The following PCMTD1 variants were observed in gnomAD, a reference collection of about 807,000 sequenced individuals.
PCMTD1 encodes protein-L-isoaspartate (D-aspartate) O-methyltransferase domain containing 1.
A neutral mutation model predicts 37.6 loss-of-function variants in PCMTD1; 12 were observed. The ratio of observed to expected loss-of-function variants is 0.32; its 90% CI spans 0.20 to 0.52. The LOEUF (loss-of-function observed/expected upper bound fraction) is 0.52. Among genes scored for constraint, PCMTD1 ranks in the 20% least tolerant of loss-of-function variants. PCMTD1 has a pLI of 0.97. For missense variants in PCMTD1, 235 were observed against 421.3 expected (o/e 0.56, Z 3.87); for synonymous variants, 117 against 135.8 (o/e 0.86, Z 0.96).
intron 1 of PCMTD1, among the ~76,000 whole-genome samples, chr8:51,898,362 T>A (rs1025045755): frequency 3.6e-4 from 55 of 152,212 alleles, no homozygotes; most frequent in African/African-American, 1.2e-3. Flanking sequence ...GGAACGGTAG[T>A]AGACGCTCAA....
rs546749743 is a variant in PCMTD1, at chr8:51,834,464, T to C, written c.411-775A>G. Among the ~76,000 whole-genome samples the C allele has an allele frequency of 5.9e-5, 9 of 152,314 alleles. No individual in the cohort carries two copies. In the East Asian group the frequency reaches 1.7e-3, roughly 29 times the overall value. On this transcript the variant is annotated intron_variant, in intron 3 of 5. Transcript: ENST00000522514. ...TTCTACTTTATTTCTTAAATTTTGA[T>C]AAAACTGAAAACAGGCTCTAATATA...
At chr8:51,855,806 C>G (rs1389844382) in intron 2 of PCMTD1, among the ~76,000 whole-genome samples, 1 of 151,902 alleles carries the variant, frequency 6.6e-6, no homozygotes, top group South Asian at 2.1e-4. Flanking sequence ...ACTACAGGCG[C>G]CTGCCACCAT....
chr8:51,862,337 T>C (rs1170066125), intron 1 of PCMTD1, among the ~76,000 whole-genome samples: 2 of 140,692 alleles, frequency 1.4e-5, no homozygotes, highest in African/African-American at 5.2e-5. Flanking sequence ...TTCCAAGCAC[T>C]AGAACATGTT....
chr8:51,827,622 C>A (rs1200773636), intron 5 of PCMTD1, among the ~76,000 whole-genome samples: 3 of 152,060 alleles, frequency 2.0e-5, no homozygotes, highest in Non-Finnish European at 4.4e-5. Flanking sequence ...GGTAATGGAA[C>A]ATACCCCCAA....
upstream of PCMTD1, chr8:51,899,091 G>A (rs1037065894): frequency 9.5e-6 from 14 of 1,480,846 alleles, no homozygotes; most frequent in South Asian, 6.4e-5. Context: ...CCGGACTCCG[G>A]AGCCGCCGGG....
chr8:51,890,712 A>T (rs1437743476), intron 1 of PCMTD1, among the ~76,000 whole-genome samples: 2 of 152,196 alleles, frequency 1.3e-5, no homozygotes, highest in Non-Finnish European at 2.9e-5. Context: ...GGCTCCCATA[A>T]CCAACAGCTA....
At chr8:51,895,090 G>C (rs1040224541) in intron 1 of PCMTD1, among the ~76,000 whole-genome samples, 1 of 152,142 alleles carries the variant, frequency 6.6e-6, no homozygotes, top group African/African-American at 2.4e-5. Context: ...TGAAACCACG[G>C]ATCTGTGTGG....
intron 2 of PCMTD1, chr8:51,849,421 T>A (rs2038271756): frequency 6.6e-6 from 1 of 152,106 alleles, no homozygotes; most frequent in Admixed American, 6.5e-5. Flanking sequence ...TTCGCCAATG[T>A]AAAGATGTTT....
chr8:51,817,938 A>G lies in PCMTD1; in HGVS notation c.*2413T>C, dbSNP rs1311555837. ...GTCTGTTTTCTCATCTGCAAAATAA[A>G]CACCCAAATTAGATGATACTTACTG... On this transcript the variant is annotated 3_prime_UTR_variant, in exon 6 of 6. Coordinates refer to ENST00000522514, the MANE Select transcript of PCMTD1 (RefSeq NM_052937.4). 1 of 456,690 alleles carries G rather than the reference A, an allele frequency of 2.2e-6. No homozygotes were observed. The highest frequency in any genetic ancestry group is 4.4e-6 in the Non-Finnish European group (1 of 226,992). 28.3% of individuals were successfully genotyped at this position (456,690 alleles called of 1,614,324 possible). A position where few individuals can be genotyped will look rare whatever the true frequency, so the allele number is the denominator to read the frequency against.
At chr8:51,863,594 C>A (rs2038506193) in intron 1 of PCMTD1, among the ~76,000 whole-genome samples, 1 of 152,180 alleles carries the variant, frequency 6.6e-6, no homozygotes, top group Admixed American at 6.5e-5. Context: ...CAAGACCAGC[C>A]TGGCCAGCAT....
chr8:51,817,660 C>A lies in PCMTD1; in HGVS notation c.*2691G>T. 4.8e-6 allele frequency: 1 copy of A among 207,912 alleles called. No individual in the cohort carries two copies. Among genetic ancestry groups the A allele is most frequent in the Admixed American group, 5.9e-5 (1 of 16,992 alleles). 12.9% of individuals were successfully genotyped at this position (207,912 alleles called of 1,614,324 possible). The stretch of plus-strand genomic sequence containing the variant: ...TTAACAGGCTTTGCTTCACTTTTAT[C>A]ATCTCAAACAGCTATAAATCAACAC... On this transcript the variant is annotated 3_prime_UTR_variant, in exon 6 of 6. Coordinates refer to ENST00000522514, the MANE Select transcript of PCMTD1 (RefSeq NM_052937.4).
intron 3 of PCMTD1, chr8:51,844,831 G>A (rs2038195623): frequency 6.6e-6 from 1 of 152,120 alleles, no homozygotes; most frequent in Non-Finnish European, 1.5e-5. Flanking sequence ...TATAAATGAG[G>A]GCCAACTCCC....
chr8:51,833,785 AAATT>A, intron 3 of PCMTD1, 96 bp from the exon 4 acceptor site: 1 of 812,110 alleles, frequency 1.2e-6, no homozygotes, highest in Non-Finnish European at 1.9e-6. Context: ...GACGTTACCC[AAATT>A]AATTATAAGG....
Position 51,861,107 on chromosome 8 carries a change from A to C in PCMTD1, c.45T>G (p.Ile15Met). The change falls in exon 2 of 6, where the codon ATT becomes ATG. Residue 15 changes from isoleucine (I) to methionine (M), a missense_variant. Ile to Met is a conservative substitution (Grantham distance 10). Coordinates refer to ENST00000522514, the MANE Select transcript of PCMTD1 (RefSeq NM_052937.4). ...VSAGEDNDDL[I>M]DNLKEAQYIR... ...TATACTGAGCTTCTTTTAAATTATC[A>C]ATTAAGTCATCATTATCTTCCCCAG... 6.2e-7 allele frequency: 1 copy of C among 1,613,988 alleles called. No homozygotes were observed.
chr8:51,841,751 G>A (rs1585801952), intron 3 of PCMTD1, among the ~76,000 whole-genome samples: 1 of 152,160 alleles, frequency 6.6e-6, no homozygotes, highest in South Asian at 2.1e-4. Flanking sequence ...CCTCTCAAAA[G>A]CCAGATATCT....
At chr8:51,820,953 C>T (rs1183159081) in intron 5 of PCMTD1, among the ~76,000 whole-genome samples, 1 of 152,020 alleles carries the variant, frequency 6.6e-6, no homozygotes, top group African/African-American at 2.4e-5. Flanking sequence ...TGTGTGTTGG[C>T]ATTTACATGC....
chr8:51,869,582 T>C (rs1467775531), intron 1 of PCMTD1, among the ~76,000 whole-genome samples: 2 of 152,234 alleles, frequency 1.3e-5, no homozygotes, highest in East Asian at 1.9e-4. Flanking sequence ...GTCACAATTT[T>C]TACTGCCTCA....
intron 3 of PCMTD1, among the ~76,000 whole-genome samples, chr8:51,835,703 CTT>C (rs2038058223): frequency 6.6e-6 from 1 of 152,128 alleles, no homozygotes; most frequent in Non-Finnish European, 1.5e-5. Flanking sequence ...TATTAAACCA[CTT>C]TATCAAACAT....
chr8:51,843,890 A>G (rs2038181678), intron 3 of PCMTD1, among the ~76,000 whole-genome samples: 1 of 152,202 alleles, frequency 6.6e-6, no homozygotes, highest in South Asian at 2.1e-4. Context: ...GGTGAAATCT[A>G]TTAATAACTA....
Sources: allele counts gnomAD v4.1 joint callset (sites outside exome capture counted in the v4.1 genomes callset), GRCh38; gene constraint gnomAD v4.1.1; transcripts MANE v1.5; gene names NCBI Gene and HGNC (gene_info 2026-07-23, HGNC 2026-07-21).